CNTN5: variants seen among roughly 807,000 people sequenced by gnomAD.
CNTN5 encodes the protein contactin 5.
CNTN5 carries 77 observed loss-of-function variants against 129.1 expected under a neutral mutation model. That is an observed-to-expected ratio of 0.60 (90% CI 0.50 to 0.72). The LOEUF (loss-of-function observed/expected upper bound fraction) is 0.72. Among genes scored for constraint, CNTN5 ranks in the 30% least tolerant of loss-of-function variants. The pLI is 0.00. For synonymous variants in CNTN5, 509 were observed against 465.6 expected, an observed-to-expected ratio of 1.09 and a Z score of -1.20; for missense variants, 1,478 against 1,328.8, an observed-to-expected ratio of 1.11 and a Z score of -1.75.
chr11:100,159,886 T>C (rs1947383073), intron 13 of CNTN5, among the ~76,000 whole-genome samples: 1 of 151,926 alleles, frequency 6.6e-6, no homozygotes. Context: ...GCAGTGTTTT[T>C]TTAAGTACTG....
intron 8 of CNTN5, among the ~76,000 whole-genome samples, chr11:99,972,929 ACT>A (rs1292000929): frequency 2.6e-5 from 4 of 151,332 alleles, no homozygotes; most frequent in African/African-American, 9.7e-5. Context: ...AGTAAAATGT[ACT>A]GAGTGTTTCC....
chr11:99,861,288 A>G (rs1029120030), intron 6 of CNTN5, among the ~76,000 whole-genome samples: 9 of 152,094 alleles, frequency 5.9e-5, no homozygotes, highest in Non-Finnish European at 1.0e-4. Flanking sequence ...GGAGATTTCT[A>G]TCAGCAGTGT....
intron 1 of CNTN5, among the ~76,000 whole-genome samples, chr11:99,033,540 G>C (rs1344485334): frequency 2.0e-5 from 3 of 152,028 alleles, no homozygotes; most frequent in African/African-American, 7.3e-5. Flanking sequence ...ATTGTGAATG[G>C]GAGTTCACTC....
chr11:99,928,002 C>T (rs1365805441), intron 7 of CNTN5, among the ~76,000 whole-genome samples: 5 of 152,164 alleles, frequency 3.3e-5, no homozygotes, highest in Non-Finnish European at 7.4e-5. Flanking sequence ...GATAATTACA[C>T]CCATTCCAAA....
chr11:99,767,044 A>G (rs113065259), intron 3 of CNTN5, among the ~76,000 whole-genome samples: 8,711 of 152,110 alleles, frequency 0.057, 349 homozygotes, highest in Middle Eastern at 0.13. Context: ...CTATTCTGCC[A>G]AATGCAGCTG....
chr11:99,370,989 C>T (rs143553528), intron 2 of CNTN5, among the ~76,000 whole-genome samples: 128 of 152,266 alleles, frequency 8.4e-4, no homozygotes, highest in Middle Eastern at 6.8e-3. Context: ...AGAGGCAGGG[C>T]GCTGCTCCAG....
At chr11:100,214,445 C>A (rs1949099290) in intron 15 of CNTN5, among the ~76,000 whole-genome samples, 1 of 152,116 alleles carries the variant, frequency 6.6e-6, no homozygotes, top group Non-Finnish European at 1.5e-5. Context: ...ACAGTTAAAC[C>A]AGTTGGCACC....
intron 13 of CNTN5, among the ~76,000 whole-genome samples, chr11:100,119,999 G>T (rs1259033243): frequency 1.3e-5 from 2 of 151,838 alleles, no homozygotes; most frequent in East Asian, 3.9e-4. Flanking sequence ...TAATCTATAT[G>T]CAGTTTTGCA....
chr11:99,049,426 T>C (rs1231844874), intron 1 of CNTN5, among the ~76,000 whole-genome samples: 1 of 152,160 alleles, frequency 6.6e-6, no homozygotes, highest in African/African-American at 2.4e-5. Flanking sequence ...ATGGTTACCC[T>C]AATTCCTTCA....
chr11:99,824,581 AT>A (rs1005879604), intron 4 of CNTN5, among the ~76,000 whole-genome samples: 28 of 151,810 alleles, frequency 1.8e-4, no homozygotes, highest in African/African-American at 5.6e-4. Flanking sequence ...GTTAAACAGA[AT>A]TTTTTGATTT....
At chr11:100,044,177 T>C (rs1565821614) in intron 9 of CNTN5, among the ~76,000 whole-genome samples, 1 of 151,906 alleles carries the variant, frequency 6.6e-6, no homozygotes, top group Non-Finnish European at 1.5e-5. Context: ...CATGTATATA[T>C]ATATATACGT....
chr11:99,665,526 C>G (rs1412966791), intron 3 of CNTN5, among the ~76,000 whole-genome samples: 1 of 120,092 alleles, frequency 8.3e-6, no homozygotes, highest in Non-Finnish European at 1.6e-5. Flanking sequence ...TGCTCTGTTG[C>G]TCAGGCTGGA....
intron 13 of CNTN5, among the ~76,000 whole-genome samples, chr11:100,171,319 G>A (rs1392179699): frequency 2.0e-5 from 3 of 151,982 alleles, no homozygotes; most frequent in Non-Finnish European, 4.4e-5. Flanking sequence ...GGTTTCAGAA[G>A]AGCACTTAAT....
At chr11:99,249,649 G>T (rs1565437158) in intron 1 of CNTN5, among the ~76,000 whole-genome samples, 1 of 151,884 alleles carries the variant, frequency 6.6e-6, no homozygotes, top group Non-Finnish European at 1.5e-5. Flanking sequence ...CCAATGTAGA[G>T]ATTTTTATGA....
At chr11:99,819,318 C>CCCTCTCCTCCCCTCT (rs1249286433) in intron 3 of CNTN5, among the ~76,000 whole-genome samples, 2 of 30,508 alleles carry the variant, frequency 6.6e-5, no homozygotes, top group East Asian at 1.1e-3. Context: ...CCCTCTCCTC[C>CCCTCTCCTCCCCTCT]CCTCCCCTCC....
intron 3 of CNTN5, among the ~76,000 whole-genome samples, chr11:99,758,037 C>T (rs184383388): frequency 3.5e-4 from 53 of 152,126 alleles, no homozygotes; most frequent in Non-Finnish European, 6.9e-4. Flanking sequence ...CTTTACCAAA[C>T]GTTTGGACAA....
intron 3 of CNTN5, among the ~76,000 whole-genome samples, chr11:99,798,308 T>C (rs912024836): frequency 1.3e-5 from 2 of 151,678 alleles, no homozygotes; most frequent in Non-Finnish European, 2.9e-5. Context: ...TTCTTTTCTA[T>C]GGTAGAATTG....
At chr11:100,106,384 G>A (rs1332545793) in intron 13 of CNTN5, among the ~76,000 whole-genome samples, 2 of 152,198 alleles carry the variant, frequency 1.3e-5, no homozygotes, top group Admixed American at 6.5e-5. Flanking sequence ...GCTAGACTGC[G>A]TGATGCAAAA....
chr11:99,710,410 G>A (rs905270886), intron 3 of CNTN5, among the ~76,000 whole-genome samples: 1 of 151,796 alleles, frequency 6.6e-6, no homozygotes, highest in South Asian at 2.1e-4. Flanking sequence ...GTAGCATTAA[G>A]TGAGTTAAGG....
Sources: allele counts gnomAD v4.1 joint callset (sites outside exome capture counted in the v4.1 genomes callset), GRCh38; gene constraint gnomAD v4.1.1; transcripts MANE v1.5; gene names NCBI Gene and HGNC (gene_info 2026-07-23, HGNC 2026-07-21).